The following RYR2 variants were observed in gnomAD, a reference collection of about 807,000 sequenced individuals.
RYR2 encodes cardiac muscle ryanodine receptor-calcium release channel.
RYR2 carries 227 observed loss-of-function variants against 601.1 expected under a neutral mutation model. The ratio of observed to expected loss-of-function variants is 0.38; its 90% CI spans 0.34 to 0.42. The LOEUF (loss-of-function observed/expected upper bound fraction) is 0.42. Among genes scored for constraint, RYR2 ranks in the 10% least tolerant of loss-of-function variants. RYR2 has a pLI of 1.00. For missense variants in RYR2, 4,646 were observed against 6,156.5 expected, an observed-to-expected ratio of 0.75 and a Z score of 8.21; for synonymous variants, 2,223 against 2,175.1, an observed-to-expected ratio of 1.02 and a Z score of -0.61.
At chr1:237,631,789 G>A (rs138143029) in intron 42 of RYR2, among the ~76,000 whole-genome samples, 7 of 151,300 alleles carry the variant, frequency 4.6e-5, no homozygotes, top group Non-Finnish European at 8.8e-5. Context: ...CACCTCGCCC[G>A]GCTAATTTTT....
At chr1:237,452,156 T>C (rs12132931) in intron 14 of RYR2, among the ~76,000 whole-genome samples, 76,738 of 147,474 alleles carry the variant, frequency 0.52, 21,493 homozygotes, top group East Asian at 0.74. Flanking sequence ...TTAAGTAATA[T>C]ATAATGTGTG....
Position 237,325,322 on chromosome 1 carries a change from C to T in RYR2, c.169-5556C>T, listed in dbSNP as rs576863742. On this transcript the variant is annotated intron_variant, in intron 2 of 104. Transcript: ENST00000366574. ...GAACCCATTAATGGAAAAAGCTAAT[C>T]TATATATTTCTACATGCCATGAATG... is the stretch of plus-strand genomic sequence containing the variant. Among the ~76,000 whole-genome samples, 6 of 152,216 alleles carry T rather than the reference C, an allele frequency of 3.9e-5. No homozygotes were observed. In the East Asian group the frequency reaches 9.6e-4, roughly 24 times the overall value.
chr1:237,634,552 A>G (rs1680674443), intron 43 of RYR2, among the ~76,000 whole-genome samples: 1 of 152,226 alleles, frequency 6.6e-6, no homozygotes, highest in South Asian at 2.1e-4. Context: ...TGGTGACTAT[A>G]GTTAATAACA....
intron 1 of RYR2, among the ~76,000 whole-genome samples, chr1:237,100,920 TC>T (rs750357890): frequency 2.8e-4 from 42 of 152,062 alleles, no homozygotes; most frequent in Admixed American, 7.2e-4. Context: ...CCAGAGCCTG[TC>T]CAGTCTGGTC....
At chr1:237,596,879 A>T (rs1444719011) in intron 34 of RYR2, among the ~76,000 whole-genome samples, 2 of 152,340 alleles carry the variant, frequency 1.3e-5, no homozygotes, top group Non-Finnish European at 1.5e-5. Flanking sequence ...AACAACTGTC[A>T]GCCAAGAATA....
intron 101 of RYR2, among the ~76,000 whole-genome samples, chr1:237,821,355 C>T (rs181002157): frequency 1.2e-4 from 19 of 152,296 alleles, no homozygotes; most frequent in African/African-American, 4.6e-4. Flanking sequence ...TGCTGTTCTG[C>T]AACCTTCACT....
chr1:237,476,509 C>CAAAAAAAAAAA (rs56116691), intron 17 of RYR2, among the ~76,000 whole-genome samples: 1 of 70,192 alleles, frequency 1.4e-5, no homozygotes. Flanking sequence ...GACTCTGTCT[C>CAAAAAAAAAAA]AAAAAAAAAA....
chr1:237,768,797 C>A (rs991451803), intron 84 of RYR2, among the ~76,000 whole-genome samples: 11 of 152,154 alleles, frequency 7.2e-5, no homozygotes, highest in African/African-American at 2.4e-4. Context: ...CATTAAGCAA[C>A]AGTACCCCAG....
chr1:237,251,667 T>C (rs1471026061), intron 1 of RYR2, among the ~76,000 whole-genome samples: 1 of 152,206 alleles, frequency 6.6e-6, no homozygotes, highest in African/African-American at 2.4e-5. Flanking sequence ...TCTTTATATA[T>C]GTTCTTCACA....
At chr1:237,715,899 A>C (rs113413818) in intron 71 of RYR2, among the ~76,000 whole-genome samples, 1,539 of 152,256 alleles carry the variant, frequency 0.01, 22 homozygotes, top group African/African-American at 0.032. Flanking sequence ...CAAAGAGCCC[A>C]TTTTAAATGA....
chr1:237,177,624 C>G (rs1572106674), intron 1 of RYR2, among the ~76,000 whole-genome samples: 1 of 152,164 alleles, frequency 6.6e-6, no homozygotes, highest in Non-Finnish European at 1.5e-5. Context: ...ATGTTTATAG[C>G]TATAGATCAT....
intron 87 of RYR2, among the ~76,000 whole-genome samples, chr1:237,775,750 T>C (rs1694613132): frequency 6.6e-6 from 1 of 152,196 alleles, no homozygotes; most frequent in Non-Finnish European, 1.5e-5. Flanking sequence ...AAGAGAAAGT[T>C]TGATCTGTCC....
intron 2 of RYR2, among the ~76,000 whole-genome samples, chr1:237,309,719 A>G (rs1270334098): frequency 6.6e-6 from 1 of 152,254 alleles, no homozygotes; most frequent in Non-Finnish European, 1.5e-5. Flanking sequence ...GCAGGAGCCC[A>G]TGGCCGGGGG....
chr1:237,811,019 A>G (rs754820288), intron 100 of RYR2, among the ~76,000 whole-genome samples: 12 of 152,164 alleles, frequency 7.9e-5, no homozygotes, highest in Non-Finnish European at 1.5e-4. Flanking sequence ...GGGGAAAGAA[A>G]CTTGTTTGCT....
intron 12 of RYR2, among the ~76,000 whole-genome samples, chr1:237,426,706 G>C (rs187005104): frequency 6.6e-6 from 1 of 152,176 alleles, no homozygotes; most frequent in Admixed American, 6.5e-5. Context: ...AGAAAAACAT[G>C]AACCGGTACA....
At chr1:237,728,440 C>G (rs1690384257) in intron 76 of RYR2, among the ~76,000 whole-genome samples, 1 of 152,008 alleles carries the variant, frequency 6.6e-6, no homozygotes, top group South Asian at 2.1e-4. Context: ...TGGGTATATA[C>G]CCAAAGGATT....
chr1:237,477,262 G>A (rs949638088), intron 17 of RYR2, among the ~76,000 whole-genome samples: 4 of 152,194 alleles, frequency 2.6e-5, no homozygotes, highest in East Asian at 1.9e-4. Context: ...GTAGTGGTGC[G>A]CACCTGTAGT....
At chr1:237,305,649 C>T (rs1179480476) in intron 2 of RYR2, among the ~76,000 whole-genome samples, 1 of 152,186 alleles carries the variant, frequency 6.6e-6, no homozygotes, top group African/African-American at 2.4e-5. Flanking sequence ...TTGGGCTGGT[C>T]TTGAACTCCT....
rs115118437 is a variant in RYR2 at position 237,225,527 on chromosome 1, A to G, written c.49-44970A>G. Reference sequence around the variant, plus strand: ...GAACAGTATGGGGGAAACCTCCCCCATGATTCAGTTATGTGGGTCCCTCCC... The same window carrying G: ...GAACAGTATGGGGGAAACCTCCCCCGTGATTCAGTTATGTGGGTCCCTCCC... On this transcript the variant is annotated intron_variant, in intron 1 of 104. Transcript: ENST00000366574. Among the ~76,000 whole-genome samples the G allele has an allele frequency of 6.7e-3, 1,021 of 152,284 alleles. 8 individuals are homozygous for G. The highest frequency in any genetic ancestry group is 0.023 in the African/African-American group (964 of 41,564).
Sources: gnomAD v4.1 joint callset for allele counts (sites outside exome capture counted in the v4.1 genomes callset) on GRCh38, gnomAD v4.1.1 for gene constraint, MANE v1.5 for transcripts, NCBI Gene and HGNC (gene_info 2026-07-23, HGNC 2026-07-21) for gene names.